The following MCTP1 variants were observed in gnomAD, a reference collection of about 807,000 sequenced individuals.
MCTP1 encodes multiple C2 and transmembrane domain-containing protein 1.
Under a neutral mutation model 120.6 loss-of-function variants are expected in MCTP1, and 69 were observed. That is an observed-to-expected ratio of 0.57 (90% CI 0.47 to 0.70). The LOEUF (loss-of-function observed/expected upper bound fraction) is 0.70. Ranked by LOEUF, MCTP1 falls within the 30% of genes least tolerant of loss-of-function variation. The pLI, the probability that MCTP1 is intolerant of heterozygous loss-of-function variation, is 0.00. For synonymous variants in MCTP1, 529 were observed against 493.1 expected, an observed-to-expected ratio of 1.07 and a Z score of -0.96; for missense variants, 1,203 against 1,248.8, an observed-to-expected ratio of 0.96 and a Z score of 0.55.
intron 1 of MCTP1, among the ~76,000 whole-genome samples, chr5:95,265,109 C>T (rs1004074563): frequency 4.6e-5 from 7 of 152,180 alleles, no homozygotes; most frequent in Non-Finnish European, 1.0e-4. Flanking sequence ...ACCCACCACT[C>T]CTCAAATGTT....
At chr5:95,150,689 A>G (rs778680545) in intron 1 of MCTP1, among the ~76,000 whole-genome samples, 4 of 152,206 alleles carry the variant, frequency 2.6e-5, no homozygotes, top group Admixed American at 6.5e-5. Context: ...AGAAAGTGAA[A>G]AGAACACTCG....
chr5:95,018,466 A>G (rs373580579), intron 1 of MCTP1, among the ~76,000 whole-genome samples: 7 of 151,846 alleles, frequency 4.6e-5, no homozygotes, highest in Admixed American at 2.0e-4. Context: ...TTTACGGTAT[A>G]TAATTCACAT....
rs1195878297 is a variant in MCTP1, at chr5:95,234,030, A to AG, written c.720+49825dup. 2.0e-5 allele frequency among the ~76,000 whole-genome samples: 3 copies of AG among 151,880 alleles called. No homozygotes were observed. The East Asian group carries it at 5.8e-4, about 29-fold the overall frequency. On this transcript the variant is annotated intron_variant, in intron 1 of 22. Transcript: ENST00000515393. ...CAGATCAGAGAAGAAAAAAAAAAAA[A>AG]GAGAGAAGACACAAATTTCTAATGT...
intron 19 of MCTP1, among the ~76,000 whole-genome samples, chr5:94,752,501 TG>T (rs1768729785): frequency 6.6e-6 from 1 of 152,064 alleles, no homozygotes; most frequent in Non-Finnish European, 1.5e-5. Context: ...CAAACTCAGG[TG>T]CCTAAGGACC....
At chr5:94,769,249 G>A (rs1293542135) in intron 19 of MCTP1, among the ~76,000 whole-genome samples, 2 of 152,176 alleles carry the variant, frequency 1.3e-5, no homozygotes, top group Non-Finnish European at 2.9e-5. Context: ...GTGGGGTGAA[G>A]AGAGATTGGT....
At chr5:94,748,587 T>A (rs1306020793) in intron 19 of MCTP1, among the ~76,000 whole-genome samples, 2 of 152,206 alleles carry the variant, frequency 1.3e-5, no homozygotes, top group Non-Finnish European at 2.9e-5. Context: ...GTGGGGCAAG[T>A]TTTTATTCTC....
intron 2 of MCTP1, among the ~76,000 whole-genome samples, chr5:94,984,652 T>G (rs433273): frequency 6.6e-6 from 1 of 152,010 alleles, no homozygotes; most frequent in African/African-American, 2.4e-5. Flanking sequence ...AGTAAAACAA[T>G]GGACACATGA....
At chr5:94,988,615 T>C (rs1370862906) in intron 2 of MCTP1, among the ~76,000 whole-genome samples, 1 of 151,064 alleles carries the variant, frequency 6.6e-6, no homozygotes, top group Non-Finnish European at 1.5e-5. Flanking sequence ...TTTTTTTTTT[T>C]TGGTACTTCA....
At chr5:94,758,429 G>C (rs1021585007) in intron 19 of MCTP1, among the ~76,000 whole-genome samples, 3 of 152,112 alleles carry the variant, frequency 2.0e-5, no homozygotes, top group African/African-American at 7.2e-5. Context: ...CTGGGGGACA[G>C]AGCGAGACCC....
At chr5:94,820,901 T>G (rs966368048) in intron 17 of MCTP1, among the ~76,000 whole-genome samples, 4 of 152,234 alleles carry the variant, frequency 2.6e-5, no homozygotes, top group Admixed American at 2.0e-4. Flanking sequence ...TGTGTCCCTG[T>G]GCCTAGCACT....
intron 17 of MCTP1, among the ~76,000 whole-genome samples, chr5:94,803,020 G>A (rs1183574918): frequency 6.6e-6 from 1 of 151,724 alleles, no homozygotes; most frequent in Non-Finnish European, 1.5e-5. Context: ...ATCTCTTCAC[G>A]TCTCCCCCAT....
At chr5:95,277,731 G>A (rs1250979768) in intron 1 of MCTP1, among the ~76,000 whole-genome samples, 1 of 152,136 alleles carries the variant, frequency 6.6e-6, no homozygotes, top group Non-Finnish European at 1.5e-5. Context: ...AACCCAGTGG[G>A]ATTAGGAGGA....
chr5:94,928,664 A>C (rs1441781196), intron 6 of MCTP1, among the ~76,000 whole-genome samples: 1 of 152,168 alleles, frequency 6.6e-6, no homozygotes, highest in Non-Finnish European at 1.5e-5. Flanking sequence ...GAGTCTTTTG[A>C]AGGATGGTTC....
chr5:94,747,595 T>C (rs1230604766), intron 19 of MCTP1, among the ~76,000 whole-genome samples: 1 of 152,194 alleles, frequency 6.6e-6, no homozygotes, highest in Non-Finnish European at 1.5e-5. Context: ...TACAGTTGGC[T>C]GAATTTGGCC....
intron 1 of MCTP1, among the ~76,000 whole-genome samples, chr5:95,104,177 C>T (rs533151961): frequency 2.6e-5 from 4 of 152,142 alleles, no homozygotes; most frequent in Admixed American, 6.5e-5. Context: ...ACTTACCCCC[C>T]CTCCCAAGTT....
At chr5:95,213,367 T>C (rs1582552057) in intron 1 of MCTP1, among the ~76,000 whole-genome samples, 2 of 152,024 alleles carry the variant, frequency 1.3e-5, no homozygotes, top group African/African-American at 4.8e-5. Flanking sequence ...TAGAAGAGGA[T>C]ACAAACAAAT....
At chr5:94,920,667 G>A (rs1811384894) in intron 7 of MCTP1, among the ~76,000 whole-genome samples, 1 of 151,784 alleles carries the variant, frequency 6.6e-6, no homozygotes, top group African/African-American at 2.4e-5. Context: ...GCGTGAACCC[G>A]GGAGGCGAAG....
At chr5:94,765,687 G>A (rs187011464) in intron 19 of MCTP1, among the ~76,000 whole-genome samples, 1 of 144,348 alleles carries the variant, frequency 6.9e-6, no homozygotes, top group African/African-American at 2.6e-5. Context: ...GGCAACAAGA[G>A]GGAAACTCCA....
At chr5:94,781,900 G>T in intron 18 of MCTP1, among the ~76,000 whole-genome samples, 1 of 152,150 alleles carries the variant, frequency 6.6e-6, no homozygotes, top group African/African-American at 2.4e-5. Flanking sequence ...TTTTTGCTGT[G>T]TTTTAGCGCT....
Sources: allele counts gnomAD v4.1 joint callset (sites outside exome capture counted in the v4.1 genomes callset), GRCh38; gene constraint gnomAD v4.1.1; transcripts MANE v1.5; gene names NCBI Gene and HGNC (gene_info 2026-07-23, HGNC 2026-07-21).